Variants in TPTE observed in about 807,000 individuals in gnomAD.
TPTE encodes the protein putative tyrosine-protein phosphatase TPTE.
TPTE carries 59 observed loss-of-function variants against 84.1 expected under a neutral mutation model. The observed-to-expected ratio is 0.70, with a 90% CI of 0.57 to 0.87. The LOEUF is 0.87. Among genes scored for constraint, TPTE ranks in the 40% least tolerant of loss-of-function variants. The probability of loss-of-function intolerance (pLI) is 0.00; values close to 1 mark genes in which losing one functional copy is unlikely to be tolerated. For synonymous variants in TPTE, 130 were observed against 223.5 expected (o/e 0.58, Z 3.73); for missense variants, 382 against 659.6 (o/e 0.58, Z 4.61).
At chr21:10,582,707 T>C (rs1337351618) in intron 17 of TPTE, among the ~76,000 whole-genome samples, 7 of 152,332 alleles carry the variant, frequency 4.6e-5, no homozygotes, top group East Asian at 3.9e-4. Context: ...TTGGGTTGTT[T>C]CCAATTTTTA....
chr21:10,560,687 T>C lies in TPTE; in HGVS notation c.285-343T>C, dbSNP rs1265319468. The stretch of plus-strand genomic sequence containing the variant: ...TTTTTTATGAGAAATTGGTATAAAC[T>C]TCTTATGAAATTCGCAAATTTTAAG... On this transcript the variant is annotated intron_variant, in intron 9 of 23. Transcript: ENST00000618007. Among the ~76,000 whole-genome samples, 5 of 152,304 alleles carry C rather than the reference T, an allele frequency of 3.3e-5. No individual in the cohort carries two copies. The South Asian group carries it at 6.2e-4, about 19-fold the overall frequency.
At chr21:10,558,332 C>T (rs1173862194) in intron 8 of TPTE, among the ~76,000 whole-genome samples, 1 of 152,310 alleles carries the variant, frequency 6.6e-6, no homozygotes, top group South Asian at 2.1e-4. Flanking sequence ...TGCCATAGTA[C>T]TTTTTACAGT....
intron 17 of TPTE, among the ~76,000 whole-genome samples, chr21:10,585,184 C>T (rs201727602): frequency 0.034 from 4,848 of 142,322 alleles, no homozygotes; most frequent in South Asian, 0.078. Context: ...GAGCCAAGAT[C>T]GCACCACTGC....
At chr21:10,561,605 C>G (rs2092746) in intron 10 of TPTE, among the ~76,000 whole-genome samples, 19 of 152,416 alleles carry the variant, frequency 1.2e-4, no homozygotes, top group East Asian at 3.8e-4. Flanking sequence ...CAGTACCCCC[C>G]CCATGTCCTG....
At chr21:10,536,271 G>A (rs1357516839) in intron 3 of TPTE, among the ~76,000 whole-genome samples, 4 of 152,284 alleles carry the variant, frequency 2.6e-5, no homozygotes, top group African/African-American at 9.6e-5. Context: ...GTGAGACTCC[G>A]CCTAAAAAAA....
At position 10,557,508 on chromosome 21, in the gene TPTE, G is replaced by T. The variant is rs1160547821; in HGVS notation, c.234-1986G>T. Among the ~76,000 whole-genome samples, 27 of 152,412 alleles carry T rather than the reference G, an allele frequency of 1.8e-4. No individual in the cohort carries two copies. The South Asian group carries it at 2.7e-3, about 15-fold the overall frequency. On this transcript the variant is annotated intron_variant, in intron 8 of 23. Transcript: ENST00000618007. ...GAGTTCAGATTTATGACATTTCCTT[G>T]ATACCCAGAGATCTAGTAGACTGTG... is the stretch of plus-strand genomic sequence containing the variant.
chr21:10,566,693 C>A (rs554979602), intron 10 of TPTE, among the ~76,000 whole-genome samples: 3 of 152,414 alleles, frequency 2.0e-5, no homozygotes, highest in South Asian at 4.1e-4. Context: ...CAATAAGAAC[C>A]CGGCCAAGTG....
At chr21:10,537,897 T>A (rs1387572252) in intron 3 of TPTE, among the ~76,000 whole-genome samples, 1 of 152,412 alleles carries the variant, frequency 6.6e-6, no homozygotes, top group African/African-American at 2.4e-5. Flanking sequence ...CTTTGACACA[T>A]GTGTCTGCAT....
At chr21:10,549,148 T>C (rs212119) in intron 7 of TPTE, among the ~76,000 whole-genome samples, 16,173 of 146,754 alleles carry the variant, frequency 0.11, 7 homozygotes, top group African/African-American at 0.29. Context: ...ACATGGAGAC[T>C]ACACTTACTG....
chr21:10,590,031 A>T (rs1216203132), intron 17 of TPTE, among the ~76,000 whole-genome samples: 3 of 152,422 alleles, frequency 2.0e-5, no homozygotes, highest in Non-Finnish European at 2.9e-5. Context: ...AAATATATGT[A>T]TATTTTTAAA....
chr21:10,553,701 A>C (rs1351306209), intron 8 of TPTE, among the ~76,000 whole-genome samples: 8 of 152,300 alleles, frequency 5.3e-5, no homozygotes, highest in Admixed American at 1.3e-4. Flanking sequence ...GTGTTTCATA[A>C]CAGGGGGATG....
Position 10,602,053 on chromosome 21 carries a change from C to G in TPTE, c.1357-5C>G. On this transcript the variant is annotated splice_polypyrimidine_tract_variant and splice_region_variant and intron_variant, in intron 21 of 23. Transcript: ENST00000618007. The stretch of plus-strand genomic sequence containing the variant: ...TAGTTCTCAATTCCATGTGTTCATT[C>G]ATAGGTACTTGATAACATTACAACA... 6.2e-7 allele frequency: 1 copy of G among 1,610,372 alleles called. No homozygotes were observed. Among genetic ancestry groups the G allele is most frequent in the Non-Finnish European group, 8.5e-7 (1 of 1,176,712 alleles).
intron 7 of TPTE, among the ~76,000 whole-genome samples, chr21:10,546,130 C>T: frequency 6.6e-6 from 1 of 152,298 alleles, no homozygotes; most frequent in Non-Finnish European, 1.5e-5. Flanking sequence ...TTTATTTTTC[C>T]AACAGCGTGT....
chr21:10,554,423 A>C (rs2074638810), intron 8 of TPTE, among the ~76,000 whole-genome samples: 3 of 152,308 alleles, frequency 2.0e-5, no homozygotes. Flanking sequence ...ATCAAGATGC[A>C]AAGTGTACAT....
intron 7 of TPTE, among the ~76,000 whole-genome samples, chr21:10,545,651 C>CACAT (rs2074451864): frequency 1.3e-5 from 2 of 152,186 alleles, no homozygotes; most frequent in African/African-American, 4.8e-5. Flanking sequence ...CACACACACA[C>CACAT]ATATAACACA....
At chr21:10,554,305 A>G (rs1354409077) in intron 8 of TPTE, among the ~76,000 whole-genome samples, 1 of 152,306 alleles carries the variant, frequency 6.6e-6, no homozygotes, top group Non-Finnish European at 1.5e-5. Flanking sequence ...ATTTGAGGCT[A>G]AATCTCTGTA....
intron 3 of TPTE, among the ~76,000 whole-genome samples, chr21:10,538,380 A>G (rs1276246806): frequency 2.0e-5 from 3 of 152,306 alleles, no homozygotes; most frequent in Non-Finnish European, 2.9e-5. Flanking sequence ...CCTCCACACA[A>G]AAGTTTAGTT....
chr21:10,522,497 G>T (rs538580265), intron 1 of TPTE, among the ~76,000 whole-genome samples: 1 of 152,312 alleles, frequency 6.6e-6, no homozygotes, highest in African/African-American at 2.4e-5. Context: ...GATGCCCCGG[G>T]AAGGGCTGGG....
At chr21:10,561,365 G>T (rs2074800800) in intron 10 of TPTE, among the ~76,000 whole-genome samples, 174 bp downstream of exon 10, 1 of 152,298 alleles carries the variant, frequency 6.6e-6, no homozygotes, top group South Asian at 2.1e-4. Context: ...GGTGGTGGTT[G>T]CCTGTAATCC....
Sources: gnomAD v4.1 joint callset for allele counts (sites outside exome capture counted in the v4.1 genomes callset) on GRCh38, gnomAD v4.1.1 for gene constraint, MANE v1.5 for transcripts, NCBI Gene and HGNC (gene_info 2026-07-23, HGNC 2026-07-21) for gene names.